RABGEF1: variants seen among roughly 807,000 people sequenced by gnomAD.
RABGEF1 encodes the protein RAB guanine nucleotide exchange factor 1.
A neutral mutation model predicts 57.3 loss-of-function variants in RABGEF1; 26 were observed. The ratio of observed to expected loss-of-function variants is 0.45; its 90% CI spans 0.33 to 0.63. The LOEUF is 0.63. Among genes scored for constraint, RABGEF1 ranks in the 20% least tolerant of loss-of-function variants. The pLI, the probability that RABGEF1 is intolerant of heterozygous loss-of-function variation, is 0.02. For synonymous variants in RABGEF1, 185 were observed against 210.7 expected (o/e 0.88, Z 1.06); for missense variants, 464 against 607.6 (o/e 0.76, Z 2.48).
intron 2 of RABGEF1, among the ~76,000 whole-genome samples, chr7:66,717,192 G>A (rs1318237095): frequency 6.6e-6 from 1 of 151,946 alleles, no homozygotes; most frequent in Non-Finnish European, 1.5e-5. Flanking sequence ...ATATCTCTTT[G>A]TGTAGTGTTC....
At chr7:66,769,903 T>A (rs1806649648) in intron 1 of RABGEF1, among the ~76,000 whole-genome samples, 1 of 152,226 alleles carries the variant, frequency 6.6e-6, no homozygotes, top group Non-Finnish European at 1.5e-5. Flanking sequence ...CTGAGCTTTT[T>A]GTGAAAGGCA....
chr7:66,801,936 A>C lies in RABGEF1; in HGVS notation c.820+2522A>C, dbSNP rs1787385100. On this transcript the variant is annotated intron_variant, in intron 7 of 8. Transcript: ENST00000284957. ...GTTAGTTAGTTATTTTTGAGACAGG[A>C]TCTCTCTGTCACCCAGGCTGGAGTG... Among the ~76,000 whole-genome samples the C allele has an allele frequency of 2.0e-5, 3 of 152,074 alleles. No homozygotes were observed. The South Asian group carries it at 6.2e-4, about 32-fold the overall frequency.
chr7:66,749,836 T>C (rs954135201), intron 1 of RABGEF1, among the ~76,000 whole-genome samples: 2 of 151,488 alleles, frequency 1.3e-5, no homozygotes, highest in South Asian at 4.2e-4. Context: ...TAGCTGGGTG[T>C]GATGGTGGGC....
intron 1 of RABGEF1, among the ~76,000 whole-genome samples, chr7:66,769,938 C>G (rs1806656788): frequency 6.6e-6 from 1 of 152,220 alleles, no homozygotes; most frequent in Non-Finnish European, 1.5e-5. Flanking sequence ...AATGCCCTCC[C>G]TCTTTCTGTC....
Position 66,714,073 on chromosome 7 carries a change from G to A in RABGEF1, c.-815+1849G>A, listed in dbSNP as rs60330379. 6.9e-3 allele frequency among the ~76,000 whole-genome samples: 1,052 copies of A among 152,122 alleles called. 12 individuals carry two copies. The highest frequency in any genetic ancestry group is 0.024 in the African/African-American group (1,012 of 41,504). ...CTAGTTTTGATGTAAAGGTAATGTT[G>A]GCTTTATACAACAATTTTGGAAGTG... On this transcript the variant is annotated intron_variant and NMD_transcript_variant, in intron 2 of 9. Coordinates refer to the RABGEF1 transcript ENST00000607882.
chr7:66,709,031 G>C (rs1381311019), intron 1 of RABGEF1, among the ~76,000 whole-genome samples: 3 of 122,618 alleles, frequency 2.4e-5, no homozygotes, highest in Non-Finnish European at 3.4e-5. Context: ...TTTTTGTTTT[G>C]GTGAGACAAG....
At chr7:66,724,169 A>T (rs1191370920) in intron 2 of RABGEF1, among the ~76,000 whole-genome samples, 4 of 152,066 alleles carry the variant, frequency 2.6e-5, no homozygotes, top group Non-Finnish European at 5.9e-5. Context: ...CACTCTAAAG[A>T]TGTCATGTTA....
chr7:66,761,750 G>A (rs956379028), intron 1 of RABGEF1, among the ~76,000 whole-genome samples: 2 of 152,128 alleles, frequency 1.3e-5, no homozygotes, highest in African/African-American at 4.8e-5. Context: ...AACACACCCA[G>A]CCTTTTAACA....
At chr7:66,704,025 C>A (rs187704872) in intron 1 of RABGEF1, among the ~76,000 whole-genome samples, 23 of 152,248 alleles carry the variant, frequency 1.5e-4, no homozygotes, top group African/African-American at 5.3e-4. Flanking sequence ...TCAATTTATT[C>A]CTAAGTGTTT....
At position 66,799,406 on chromosome 7, in the gene RABGEF1, C is replaced by T. The variant is rs770537510; in HGVS notation, c.812C>T (p.Ala271Val). 3 of 1,602,978 alleles carry T rather than the reference C, an allele frequency of 1.9e-6. No individual in the cohort carries two copies. Among genetic ancestry groups the T allele is most frequent in the South Asian group, 2.2e-5 (2 of 90,766 alleles). Residue 271 changes from alanine to valine, a missense_variant, in exon 7 of 9, where the codon GCG (alanine) becomes GTG (valine). Around this residue, in one of 4 missense-constraint regions of RABGEF1, gnomAD observed 284 missense variants for 389.9 expected, o/e 0.73. Coordinates refer to ENST00000284957, the MANE Select transcript of RABGEF1 (RefSeq NM_014504.3). ...GAAGTGTCTGATATGGTGGTGAAGG[C>T]GATCACAGGTCAGTGAAACCAAGAG... ...IPEVSDMVVK[A>V]ITDIIEMDSK...
intron 1 of RABGEF1, among the ~76,000 whole-genome samples, chr7:66,744,617 G>A (rs1376194446): frequency 4.1e-5 from 6 of 147,244 alleles, no homozygotes; most frequent in East Asian, 2.1e-4. Context: ...GCAGTGAGCC[G>A]AGATGGCGCC....
intron 1 of RABGEF1, among the ~76,000 whole-genome samples, chr7:66,754,993 A>C (rs781452545): frequency 1.3e-5 from 2 of 151,964 alleles, no homozygotes; most frequent in Non-Finnish European, 2.9e-5. Flanking sequence ...TGGGAAATAT[A>C]GCTAGATCCT....
At chr7:66,738,011 TTTG>T (rs1366072000), upstream of RABGEF1, among the ~76,000 whole-genome samples, 374 of 134,334 alleles carry the variant, frequency 2.8e-3, 2 homozygotes, top group East Asian at 0.018. Flanking sequence ...GGTTGTGTTT[TTTG>T]TTTTTTTTGT....
upstream of RABGEF1, among the ~76,000 whole-genome samples, chr7:66,680,534 G>A (rs1302956461): frequency 1.3e-5 from 2 of 149,458 alleles, no homozygotes; most frequent in East Asian, 2.1e-4. Context: ...GTGAGCCACC[G>A]CACCCAGCCA....
chr7:66,758,300 T>C (rs1278983671), intron 1 of RABGEF1, among the ~76,000 whole-genome samples: 1 of 152,260 alleles, frequency 6.6e-6, no homozygotes, highest in Non-Finnish European at 1.5e-5. Flanking sequence ...GTAAGCTTTG[T>C]ACCTCTCTGT....
intron 7 of RABGEF1, among the ~76,000 whole-genome samples, chr7:66,803,230 G>C (rs1227963206): frequency 1.3e-5 from 2 of 152,222 alleles, no homozygotes; most frequent in Non-Finnish European, 2.9e-5. Flanking sequence ...CCTGTGCACT[G>C]CCTAGCACAT....
chr7:66,769,839 G>C (rs1427435440), intron 1 of RABGEF1, among the ~76,000 whole-genome samples: 2 of 152,162 alleles, frequency 1.3e-5, no homozygotes, highest in African/African-American at 4.8e-5. Context: ...AAGTTGTTTA[G>C]TTTACCTTCT....
intron 2 of RABGEF1, among the ~76,000 whole-genome samples, chr7:66,733,270 C>T (rs1797548503): frequency 6.6e-6 from 1 of 152,198 alleles, no homozygotes; most frequent in Non-Finnish European, 1.5e-5. Flanking sequence ...CCCACTTTCT[C>T]CCAGCCTGGG....
chr7:66,657,985 ATAAAAT>A, the RABGEF1 span, among the ~76,000 whole-genome samples: 5 of 152,308 alleles, frequency 3.3e-5, no homozygotes, highest in South Asian at 8.3e-4. Flanking sequence ...AAGAGAATAG[ATAAAAT>A]TAAAAGTTTT....
Sources: gnomAD v4.1 joint callset for allele counts (sites outside exome capture counted in the v4.1 genomes callset) on GRCh38, gnomAD v4.1.1 for gene constraint, gnomAD v4.1.1 regional missense constraint, MANE v1.5 for transcripts, NCBI Gene and HGNC (gene_info 2026-07-23, HGNC 2026-07-21) for gene names.